The following GANAB variants were observed in gnomAD, a reference collection of about 807,000 sequenced individuals.
The protein encoded by GANAB is neutral alpha-glucosidase AB.
A neutral mutation model predicts 129.9 loss-of-function variants in GANAB; 35 were observed. The observed-to-expected ratio is 0.27, with a 90% CI of 0.21 to 0.36. The LOEUF (loss-of-function observed/expected upper bound fraction) is 0.36. Among genes scored for constraint, GANAB ranks in the 10% least tolerant of loss-of-function variants. GANAB has a pLI of 1.00. For synonymous variants in GANAB, 482 were observed against 451.8 expected (o/e 1.07, Z -0.85); for missense variants, 939 against 1,221.0 (o/e 0.77, Z 3.44).
Position 62,625,082 on chromosome 11 carries a change from C to T in GANAB, c.*733G>A. The stretch of plus-strand genomic sequence containing the variant: ...ACTGATTTCTCCATCTTAAGTGCCC[C>T]TCAAAGGGGACAAGAAGGGGGCAAA... On this transcript the variant is annotated 3_prime_UTR_variant, in exon 24 of 24. Coordinates refer to ENST00000356638, the MANE Select transcript of GANAB (RefSeq NM_198334.3). The T allele has an allele frequency of 2.6e-6, 1 of 381,314 alleles. No individual in the cohort carries two copies. The highest frequency in any genetic ancestry group is 3.2e-5 in the Admixed American group (1 of 31,114). 23.6% of individuals were successfully genotyped at this position (381,314 alleles called of 1,614,324 possible). A position where few individuals can be genotyped will look rare whatever the true frequency, so the allele number is the denominator to read the frequency against.
At chr11:62,637,657 A>T (rs928972160) in intron 4 of GANAB, among the ~76,000 whole-genome samples, 1 of 152,224 alleles carries the variant, frequency 6.6e-6, no homozygotes, top group African/African-American at 2.4e-5. Context: ...CAGTTGGGGT[A>T]TATTCATACA....
Position 62,628,839 on chromosome 11 carries a change from G to A in GANAB, c.2110C>T (p.Arg704Ter). The change falls in exon 17 of 24, where the codon CGA (arginine) becomes TGA (stop). Residue 704 changes from arginine (R) to a stop codon, truncating the protein, a stop_gained. Coordinates refer to ENST00000356638, the MANE Select transcript of GANAB (RefSeq NM_198334.3). LOFTEE classifies it high-confidence loss of function. ...TACCAGAAGGGCAGCAAAGAATATC[G>A]CTGGCCCAAGGCATCTCGGATTATA... The part of the protein sequence containing the change: ...NDIIRDALGQ[R>*]YSLLPFWYTL... 2 of 1,613,864 alleles carry A rather than the reference G, an allele frequency of 1.2e-6. No individual in the cohort carries two copies. Among genetic ancestry groups the A allele is most frequent in the Non-Finnish European group, 1.7e-6 (2 of 1,179,830 alleles).
chr11:62,629,283 G>T lies in GANAB; in HGVS notation c.1847C>A (p.Thr616Lys), dbSNP rs1427582407. ...AGSQRFGAVW[T>K]GDNTAEWDHL... is the part of the protein sequence containing the mutation. ...GTCCCACTCGGCAGTGTTGTCCCCTGTCCACACGGCTCCTGAGGAAGACAA... is the reference window on the plus strand; with the variant it reads ...GTCCCACTCGGCAGTGTTGTCCCCTTTCCACACGGCTCCTGAGGAAGACAA... The change falls in exon 16 of 24, where the codon ACA (threonine) becomes AAA (lysine). Residue 616 changes from threonine (T) to lysine (K), a missense_variant. Thr to Lys is a moderately conservative substitution (Grantham distance 78). Around this residue, in one of 5 missense-constraint regions of GANAB, gnomAD observed 147 missense variants for 282.4 expected, o/e 0.52. Coordinates refer to ENST00000356638, the MANE Select transcript of GANAB (RefSeq NM_198334.3). The T allele has an allele frequency of 6.2e-7, 1 of 1,610,042 alleles. No homozygotes were observed. Among genetic ancestry groups the T allele is most frequent in the Non-Finnish European group, 8.5e-7 (1 of 1,176,412 alleles).
Position 62,634,674 on chromosome 11 carries a change from G to C in GANAB, c.560+147C>G. The stretch of plus-strand genomic sequence containing the variant: ...AATGGAAAAAACCGCACCCGGGTCT[G>C]GTTCCTACCCTCCCTGACAGAGAGC... On this transcript the variant is annotated intron_variant, in intron 5 of 23. Coordinates refer to ENST00000356638, the MANE Select transcript of GANAB (RefSeq NM_198334.3). 3 of 700,072 alleles carry C rather than the reference G, an allele frequency of 4.3e-6. No homozygotes were observed. In the South Asian group the frequency reaches 5.4e-5, roughly 13 times the overall value. 43.4% of individuals were successfully genotyped at this position (700,072 alleles called of 1,614,324 possible).
At chr11:62,635,224 G>A (rs1357175601) in intron 4 of GANAB, among the ~76,000 whole-genome samples, 1 of 148,420 alleles carries the variant, frequency 6.7e-6, no homozygotes, top group African/African-American at 2.5e-5. Flanking sequence ...CACTCTTGTT[G>A]CCCAGGCTGG....
At chr11:62,644,163 C>T (rs1046174491) in intron 1 of GANAB, among the ~76,000 whole-genome samples, 3 of 151,990 alleles carry the variant, frequency 2.0e-5, no homozygotes, top group East Asian at 2.0e-4. Flanking sequence ...AGGCTGGTCT[C>T]GAACTCCCAA....
At chr11:62,626,530 G>T (rs377687280) in intron 21 of GANAB, 41 bp downstream of exon 21, 314 of 1,509,912 alleles carry the variant, frequency 2.1e-4, no homozygotes, top group Non-Finnish European at 2.7e-4. Flanking sequence ...TCCTAGGAAG[G>T]CAGGCAAATG....
intron 3 of GANAB, 75 bp downstream of exon 3, chr11:62,639,284 C>T (rs1037698382): frequency 7.9e-7 from 1 of 1,265,290 alleles, no homozygotes; most frequent in African/African-American, 1.5e-5. Flanking sequence ...AGATGTTGGC[C>T]ACAATTTCCC....
chr11:62,635,270 C>T (rs1021208794), intron 4 of GANAB, among the ~76,000 whole-genome samples: 4 of 151,958 alleles, frequency 2.6e-5, no homozygotes, highest in African/African-American at 7.3e-5. Context: ...CCGCAACCTC[C>T]GTCTCCCAGG....
At chr11:62,639,500 G>A in intron 2 of GANAB, 33 bp from the exon 3 acceptor site, 1 of 1,546,614 alleles carries the variant, frequency 6.5e-7, no homozygotes, top group Non-Finnish European at 8.9e-7. Context: ...GTAAGGTAAA[G>A]GCCACCTGCA....
At position 62,625,644 on chromosome 11, in the gene GANAB, G is replaced by T. The variant is rs573683091; in HGVS notation, c.*171C>A. On this transcript the variant is annotated 3_prime_UTR_variant, in exon 24 of 24. Coordinates refer to ENST00000356638, the MANE Select transcript of GANAB (RefSeq NM_198334.3). The stretch of plus-strand genomic sequence containing the variant: ...GGGAGAGGTGAGGAGATCACAAGAG[G>T]AATTTGGAGCCCAGGGTCAGCCCTC... The T allele has an allele frequency of 8.2e-6, 5 of 610,810 alleles. No individual in the cohort carries two copies. The highest frequency in any genetic ancestry group is 1.8e-5 in the African/African-American group (1 of 54,298). 37.8% of individuals were successfully genotyped at this position (610,810 alleles called of 1,614,324 possible). A position where few individuals can be genotyped will look rare whatever the true frequency, so the allele number is the denominator to read the frequency against.
chr11:62,630,807 G>A lies in GANAB; in HGVS notation c.1180C>T (p.Leu394Phe). The change falls in exon 11 of 24, where the codon CTC (leucine) becomes TTC (phenylalanine). Residue 394 changes from leucine to phenylalanine, a missense_variant. Around this residue, in one of 5 missense-constraint regions of GANAB, gnomAD observed 220 missense variants for 295.9 expected, o/e 0.74. Transcript: ENST00000356638. ...GTQALPPLFS[L>F]GYHQSRWNYR... ...TTCCAACGGCTCTGGTGGTAGCCGAGGGAGAAGAGTGGGGGCAACGCCTGG... is the reference window on the plus strand; with the variant it reads ...TTCCAACGGCTCTGGTGGTAGCCGAAGGAGAAGAGTGGGGGCAACGCCTGG... 2 of 1,613,872 alleles carry A rather than the reference G, an allele frequency of 1.2e-6. No individual in the cohort carries two copies. Among genetic ancestry groups the A allele is most frequent in the Non-Finnish European group, 1.7e-6 (2 of 1,179,942 alleles).
chr11:62,626,786 C>G (rs1420572628), intron 20 of GANAB, 74 bp downstream of exon 20: 8 of 1,344,538 alleles, frequency 5.9e-6, no homozygotes. Context: ...GTACTGGACC[C>G]TAAGGCACAC....
At chr11:62,639,974 T>A (rs986591873) in intron 1 of GANAB, 30 of 458,766 alleles carry the variant, frequency 6.5e-5, no homozygotes, top group African/African-American at 4.4e-4. Context: ...GGTGGCTCAC[T>A]CCTGTAATCC....
rs552447341 is a variant in GANAB at position 62,625,116 on chromosome 11, A to G, written c.*699T>C. 1.1e-4 allele frequency: 44 copies of G among 417,644 alleles called. No homozygotes were observed. The highest frequency in any genetic ancestry group is 7.6e-4 in the South Asian group (44 of 57,960). The allele number at this position is 417,644 out of a possible 1,614,324, so 25.9% of individuals were successfully genotyped here. On this transcript the variant is annotated 3_prime_UTR_variant, in exon 24 of 24. Coordinates refer to ENST00000356638, the MANE Select transcript of GANAB (RefSeq NM_198334.3). ...GACAAGAAGGGGGCAAAAGAAGTTT[A>G]ATGCGCATCCCCTAAGAGGTGTGGA...
chr11:62,631,239 C>G (rs1943664913), intron 9 of GANAB, 56 bp from the exon 10 acceptor site: 2 of 1,473,546 alleles, frequency 1.4e-6, no homozygotes, highest in Non-Finnish European at 1.8e-6. Context: ...TTTTCCAACC[C>G]CAAGACAAAA....
intron 17 of GANAB, 43 bp downstream of exon 17, chr11:62,628,725 CA>C: frequency 1.3e-6 from 2 of 1,599,706 alleles, no homozygotes; most frequent in Non-Finnish European, 1.7e-6. Flanking sequence ...CTAATACCCC[CA>C]GCCACCTCAG....
Position 62,633,086 on chromosome 11 carries a change from C to G in GANAB, c.734G>C (p.Gly245Ala). 1 of 1,612,174 alleles carries G rather than the reference C, an allele frequency of 6.2e-7. No homozygotes were observed. The highest frequency in any genetic ancestry group is 8.5e-7 in the Non-Finnish European group (1 of 1,178,254). Residue 245 changes from glycine to alanine, a missense_variant, in exon 8 of 24, where the codon GGT becomes GCT. Coordinates refer to ENST00000356638, the MANE Select transcript of GANAB (RefSeq NM_198334.3). ...CATGCCTGGCAGAGAGAAGTCCAAACCCACAGACATGGGGCCTGGAAGAAA... is the reference window on the plus strand; with the variant it reads ...CATGCCTGGCAGAGAGAAGTCCAAAGCCACAGACATGGGGCCTGGAAGAAA... Reference protein sequence around the residue: ...DSKPYGPMSVGLDFSLPGMEH... With the variant: ...DSKPYGPMSVALDFSLPGMEH...
At chr11:62,637,793 G>A (rs1045030100) in intron 4 of GANAB, among the ~76,000 whole-genome samples, 1 of 151,892 alleles carries the variant, frequency 6.6e-6, no homozygotes, top group African/African-American at 2.4e-5. Context: ...CCAGCACTTT[G>A]GGAGGCTGAG....
Sources: allele counts gnomAD v4.1 joint callset (sites outside exome capture counted in the v4.1 genomes callset), GRCh38; gene constraint gnomAD v4.1.1; regional missense constraint gnomAD v4.1.1; transcripts MANE v1.5; gene names NCBI Gene and HGNC (gene_info 2026-07-23, HGNC 2026-07-21).